The following ATXN7L2 variants were observed in gnomAD, a reference collection of about 807,000 sequenced individuals.
ATXN7L2 encodes ataxin 7 like 2, also known as ataxin-7-like protein 2.
Under a neutral mutation model 59.6 loss-of-function variants are expected in ATXN7L2, and 17 were observed. The ratio of observed to expected loss-of-function variants is 0.29; its 90% CI spans 0.20 to 0.43. The LOEUF is 0.43. ATXN7L2 is among the 20% of genes least tolerant of loss of function. The pLI, the probability that ATXN7L2 is intolerant of heterozygous loss-of-function variation, is 1.00. For missense variants in ATXN7L2, 858 were observed against 1,008.9 expected, an observed-to-expected ratio of 0.85 and a Z score of 2.03; for synonymous variants, 378 against 392.5, an observed-to-expected ratio of 0.96 and a Z score of 0.44.
chr1:109,484,170 T>TGGAGCCGCCGTCC, intron 1 of ATXN7L2, 90 bp downstream of exon 1: 5 of 1,199,402 alleles, frequency 4.2e-6, no homozygotes, highest in Non-Finnish European at 5.3e-6. Flanking sequence ...AGCCGCCGAC[T>TGGAGCCGCCGTCC]GGAGCCGCCG....
chr1:109,484,133 C>T (rs557996994), intron 1 of ATXN7L2, 53 bp downstream of exon 1: 30 of 1,368,364 alleles, frequency 2.2e-5, no homozygotes, highest in Middle Eastern at 2.1e-4. Flanking sequence ...TCCCCTCCCC[C>T]CTTCCGGGCC....
intron 1 of ATXN7L2, 24 bp downstream of exon 1, chr1:109,484,104 C>A: frequency 6.7e-7 from 1 of 1,484,320 alleles, no homozygotes; most frequent in Non-Finnish European, 9.0e-7. Flanking sequence ...CCCTAAAGTC[C>A]GGGGACCCCA....
At position 109,487,106 on chromosome 1, in the gene ATXN7L2, G is replaced by T; in HGVS notation, c.398G>T (p.Gly133Val). 1 of 1,612,848 alleles carries T rather than the reference G, an allele frequency of 6.2e-7. No homozygotes were observed. ...SQKCHVVNGQGPACRAPGSTK... is the reference protein window; with the variant it reads ...SQKCHVVNGQVPACRAPGSTK... ...AAATGCCATGTAGTGAATGGGCAGG[G>T]CCCAGCTTGTAGGGCCCCAGGTTCC... is the stretch of plus-strand genomic sequence containing the variant. The change falls in exon 4 of 11, where the codon GGC (glycine) becomes GTC (valine). Residue 133 changes from glycine (G) to valine (V), a missense_variant. Gly to Val is a moderately radical substitution (Grantham distance 109). Transcript: ENST00000683729.
chr1:109,491,246 C>CGGGGTG lies in ATXN7L2; in HGVS notation c.1781_1786dup (p.Gly594_Val595dup). The stretch of plus-strand genomic sequence containing the variant: ...CCAGCAAGTCATCCAAAGGCAAGGA[C>CGGGGTG]GGGGTGGAGGTGGAGGCCCCTTCTC... On this transcript the variant is annotated inframe_insertion, in exon 10 of 11. Transcript: ENST00000683729. This position sits in a 1 kb window ranked among gnomAD's most constrained non-coding sequence, Gnocchi z 4.1. The CGGGGTG allele has an allele frequency of 6.2e-7, 1 of 1,614,226 alleles. No homozygotes were observed. Among genetic ancestry groups the CGGGGTG allele is most frequent in the Non-Finnish European group, 8.5e-7 (1 of 1,180,056 alleles).
Position 109,487,678 on chromosome 1 carries a change from C to A in ATXN7L2, c.670C>A (p.Pro224Thr), listed in dbSNP as rs1191968306. Residue 224 changes from proline to threonine, a missense_variant, in exon 5 of 11, where the codon CCT becomes ACT. Pro to Thr is a conservative substitution (Grantham distance 38, BLOSUM62 -1). Transcript: ENST00000683729. ...TCCCATGGCTCCCCCTTCTAAAGAA[C>A]CTCCTGGCAGAGAGAACATCGAGAT... ...KPPMAPPSKE[P>T]PGRENIEIIP... is the part of the protein sequence containing the mutation. The A allele has an allele frequency of 1.9e-6, 3 of 1,613,102 alleles. No individual in the cohort carries two copies. The highest frequency in any genetic ancestry group is 2.5e-6 in the Non-Finnish European group (3 of 1,179,584).
chr1:109,484,073 G>T lies in ATXN7L2; in HGVS notation c.120G>T (p.Ala40=), dbSNP rs771576473. ...GGGTGGAGCGGGCCGACCTGCCCGC[G>T]GCTGACGGTGAGTAAAGCCACCCTA... The part of the protein sequence containing the change: ...SSWVERADLP[A]ADGAELEESS... Residue 40 remains alanine, a synonymous_variant, in exon 1 of 11, where the codon GCG becomes GCT. Transcript: ENST00000683729. 24 of 1,513,796 alleles carry T rather than the reference G, an allele frequency of 1.6e-5. No individual in the cohort carries two copies. The highest frequency in any genetic ancestry group is 2.0e-5 in the Non-Finnish European group (22 of 1,127,786). The allele number at this position is 1,513,796 out of a possible 1,614,324, so 93.8% of individuals were successfully genotyped here.
Position 109,488,446 on chromosome 1 carries a change from C to T in ATXN7L2, c.860C>T (p.Thr287Ile), listed in dbSNP as rs1656755635. Residue 287 changes from threonine (T) to isoleucine (I), a missense_variant, in exon 6 of 11, where the codon ACC becomes ATC. Transcript: ENST00000683729. This position sits in a 1 kb window ranked among gnomAD's most constrained non-coding sequence, Gnocchi z 5.0. The stretch of plus-strand genomic sequence containing the variant: ...AATCCAGAGACCAAAAAGATCTGTA[C>T]CCGCCTGTTGACCTGCAAGGTAACC... ...VINPETKKIC[T>I]RLLTCKIHSV... The T allele has an allele frequency of 1.2e-6, 2 of 1,607,554 alleles. No homozygotes were observed. The highest frequency in any genetic ancestry group is 3.4e-5 in the Admixed American group (2 of 59,590).
At chr1:109,487,826 G>A (rs758717010) in intron 5 of ATXN7L2, 22 bp downstream of exon 5, 1 of 1,570,444 alleles carries the variant, frequency 6.4e-7, no homozygotes, top group Non-Finnish European at 8.6e-7. Context: ...TGGTCTTGGG[G>A]GTCCAGAATG....
chr1:109,484,170 T>C, intron 1 of ATXN7L2, 90 bp downstream of exon 1: 1 of 1,199,402 alleles, frequency 8.3e-7, no homozygotes, highest in Non-Finnish European at 1.1e-6. Context: ...AGCCGCCGAC[T>C]GGAGCCGCCG....
At position 109,490,081 on chromosome 1, in the gene ATXN7L2, C is replaced by G. The variant is rs778459954; in HGVS notation, c.1285C>G (p.Pro429Ala). The change falls in exon 8 of 11, where the codon CCA becomes GCA. Residue 429 changes from proline to alanine, a missense_variant. Physicochemically the swap from Pro to Ala is conservative, Grantham distance 27. Coordinates refer to ENST00000683729, the MANE Select transcript of ATXN7L2 (RefSeq NM_001350175.2). ...GGAGGGGACATCTGACGACCTCCAC[C>G]CACCCCCTGACTGCCATTATGCAAC... ...EEEGTSDDLHPPPDCHYATRP... is the reference protein window; with the variant it reads ...EEEGTSDDLHAPPDCHYATRP... 13 of 1,597,806 alleles carry G rather than the reference C, an allele frequency of 8.1e-6. No individual in the cohort carries two copies. The highest frequency in any genetic ancestry group is 1.1e-5 in the Non-Finnish European group (13 of 1,171,446).
Position 109,488,268 on chromosome 1 carries a change from C to A in ATXN7L2, c.797-115C>A. 1 of 966,410 alleles carries A rather than the reference C, an allele frequency of 1.0e-6. No individual in the cohort carries two copies. Among genetic ancestry groups the A allele is most frequent in the Non-Finnish European group, 1.6e-6 (1 of 620,146 alleles). The allele number at this position is 966,410 out of a possible 1,614,324, so 59.9% of individuals were successfully genotyped here. ...GGAAGGTACAGCCCCAGGCTGAGGG[C>A]TGGAGTCTCTTCTGCCTTAGTACCA... On this transcript the variant is annotated intron_variant, in intron 5 of 10. Transcript: ENST00000683729. The surrounding 1 kb of genome is among the most constrained non-coding windows in gnomAD (Gnocchi z 5.0).
chr1:109,487,888 G>T lies in ATXN7L2; in HGVS notation c.796+84G>T, dbSNP rs1368087757. ...TTGTCCTTGGGCTGGATGAGGAGGA[G>T]GTCAGGTTTATGGGCCTGGCCATCA... On this transcript the variant is annotated intron_variant, in intron 5 of 10. Transcript: ENST00000683729. The T allele has an allele frequency of 2.7e-6, 4 of 1,462,240 alleles. No individual in the cohort carries two copies. The East Asian group carries it at 7.4e-5, about 27-fold the overall frequency. The allele number at this position is 1,462,240 out of a possible 1,614,324, so 90.6% of individuals were successfully genotyped here.
chr1:109,489,043 C>T lies in ATXN7L2; in HGVS notation c.1076C>T (p.Pro359Leu), dbSNP rs1177950271. ...SVQVVAAVAA[P>L]SSTFSVRAKQ... The stretch of plus-strand genomic sequence containing the variant: ...CAGGTTGTAGCAGCGGTGGCTGCTC[C>T]CAGCAGCACCTTCTCTGTTCGTGCC... Residue 359 changes from proline (P) to leucine (L), a missense_variant, in exon 7 of 11, where the codon CCC becomes CTC. Around this residue, in one of 3 missense-constraint regions of ATXN7L2, gnomAD observed 734 missense variants for 862.3 expected, o/e 0.85. Transcript: ENST00000683729. 1 of 1,614,172 alleles carries T rather than the reference C, an allele frequency of 6.2e-7. No homozygotes were observed. The highest frequency in any genetic ancestry group is 2.2e-5 in the East Asian group (1 of 44,878).
chr1:109,492,582 G>A lies in ATXN7L2; in HGVS notation c.2251-4G>A. ...CCTTTCTCTCGCCTCTTGTCTTCCT[G>A]CAGTCAAAAGCCCATTAACGAGAAA... On this transcript the variant is annotated splice_polypyrimidine_tract_variant and splice_region_variant and intron_variant, in intron 10 of 10. Coordinates refer to ENST00000683729, the MANE Select transcript of ATXN7L2 (RefSeq NM_001350175.2). 6.2e-7 allele frequency: 1 copy of A among 1,613,780 alleles called. No homozygotes were observed. Among genetic ancestry groups the A allele is most frequent in the South Asian group, 1.1e-5 (1 of 91,060 alleles).
intron 9 of ATXN7L2, 129 bp from the exon 10 acceptor site, chr1:109,490,793 G>C: frequency 9.2e-7 from 1 of 1,090,080 alleles, no homozygotes; most frequent in Non-Finnish European, 1.3e-6. Context: ...GCATCTCCCA[G>C]CAGATGGCAG....
rs1289256765 is a variant in ATXN7L2 at position 109,487,747 on chromosome 1, C to G, written c.739C>G (p.Pro247Ala). ...CAGTCACTGGGCTGAAGGCAGCCCTCCTGAAAAGGAGCCCAGTGGGACCAG... is the reference window on the plus strand; with the variant it reads ...CAGTCACTGGGCTGAAGGCAGCCCTGCTGAAAAGGAGCCCAGTGGGACCAG... Reference protein sequence around the residue: ...GSSHWAEGSPPEKEPSGTRLP... With the variant: ...GSSHWAEGSPAEKEPSGTRLP... The change falls in exon 5 of 11, where the codon CCT (proline) becomes GCT (alanine). Residue 247 changes from proline (P) to alanine (A), a missense_variant. Pro to Ala is a conservative substitution (Grantham distance 27, BLOSUM62 -1). This residue lies in a region of ATXN7L2 where 734 missense variants were observed against 862.3 expected (regional missense o/e 0.85). Coordinates refer to ENST00000683729, the MANE Select transcript of ATXN7L2 (RefSeq NM_001350175.2). The G allele has an allele frequency of 1.2e-6, 2 of 1,612,258 alleles. No individual in the cohort carries two copies. Among genetic ancestry groups the G allele is most frequent in the East Asian group, 4.5e-5 (2 of 44,710 alleles).
At chr1:109,489,305 C>G (rs1246839654) in intron 7 of ATXN7L2, 2 of 646,000 alleles carry the variant, frequency 3.1e-6, no homozygotes, top group African/African-American at 3.7e-5. Flanking sequence ...ACCCCAGCCT[C>G]TCGGCAGTGT....
At chr1:109,489,234 G>A in intron 7 of ATXN7L2, 134 bp downstream of exon 7, 1 of 1,230,160 alleles carries the variant, frequency 8.1e-7, no homozygotes. Context: ...GTATTCCTGG[G>A]GCTCCTGACA....
chr1:109,491,342 G>A lies in ATXN7L2; in HGVS notation c.1875G>A (p.Gly625=), dbSNP rs918532848. ...GCATCCTGGAGCCCACTGGAAAAGG[G>A]AAACCCTCTGGCTGTAGGGGCCTCT... ...RTCILEPTGK[G]KPSGCRGLSA... Residue 625 remains glycine, a synonymous_variant, in exon 10 of 11, where the codon GGG becomes GGA. Coordinates refer to ENST00000683729, the MANE Select transcript of ATXN7L2 (RefSeq NM_001350175.2). The surrounding 1 kb of genome is among the most constrained non-coding windows in gnomAD (Gnocchi z 4.1). 1.2e-5 allele frequency: 20 copies of A among 1,614,142 alleles called. 1 individual carries two copies. Among genetic ancestry groups the A allele is most frequent in the Non-Finnish European group, 1.7e-5 (20 of 1,180,060 alleles).
Sources: gnomAD v4.1 joint callset for allele counts on GRCh38, gnomAD v4.1.1 for gene constraint, gnomAD v4.1.1 regional missense constraint, Gnocchi (gnomAD v3.1) non-coding constraint, MANE v1.5 for transcripts, NCBI Gene and HGNC (gene_info 2026-07-23, HGNC 2026-07-21) for gene names.